Variants in NDUFS4 observed in about 807,000 individuals in gnomAD.
NDUFS4 encodes NADH dehydrogenase [ubiquinone] iron-sulfur protein 4, mitochondrial.
A neutral mutation model predicts 24.3 loss-of-function variants in NDUFS4; 28 were observed. The observed-to-expected ratio is 1.15, with a 90% CI of 0.85 to 1.58. The LOEUF (loss-of-function observed/expected upper bound fraction) is 1.58. NDUFS4 is among the 40% of genes most tolerant of loss of function. The probability of loss-of-function intolerance (pLI) is 0.00; values close to 1 mark genes in which losing one functional copy is unlikely to be tolerated. For synonymous variants in NDUFS4, 93 were observed against 69.7 expected (o/e 1.34, Z -1.67); for missense variants, 223 against 207.9 (o/e 1.07, Z -0.45).
At chr5:53,655,087 A>G (rs999420526) in intron 3 of NDUFS4, among the ~76,000 whole-genome samples, 1 of 152,218 alleles carries the variant, frequency 6.6e-6, no homozygotes, top group Admixed American at 6.5e-5. Context: ...AATATCTAAA[A>G]TCAACCTTGG....
chr5:53,632,525 A>G (rs1751438147), intron 2 of NDUFS4, among the ~76,000 whole-genome samples: 1 of 152,184 alleles, frequency 6.6e-6, no homozygotes, highest in Non-Finnish European at 1.5e-5. Context: ...ACTCCTCTTC[A>G]GAACTCTGCC....
At chr5:53,612,547 CTT>C (rs1750729914) in intron 2 of NDUFS4, among the ~76,000 whole-genome samples, 1 of 152,022 alleles carries the variant, frequency 6.6e-6, no homozygotes, top group African/African-American at 2.4e-5. Flanking sequence ...CTAATAATAT[CTT>C]TATTTAAAAA....
intron 4 of NDUFS4, among the ~76,000 whole-genome samples, chr5:53,682,668 TAC>T (rs1353388518): frequency 1.3e-5 from 2 of 152,074 alleles, no homozygotes; most frequent in Non-Finnish European, 2.9e-5. Flanking sequence ...TACATATATA[TAC>T]GTTTACATAT....
Position 53,560,779 on chromosome 5 carries a change from T to A in NDUFS4, c.98+19T>A. 1 of 1,614,086 alleles carries A rather than the reference T, an allele frequency of 6.2e-7. No individual in the cohort carries two copies. The highest frequency in any genetic ancestry group is 8.5e-7 in the Non-Finnish European group (1 of 1,180,022). On this transcript the variant is annotated intron_variant, in intron 1 of 4. Transcript: ENST00000296684. Reference sequence around the variant, plus strand: ...CGACCAGGTAATAGAATTTTCACACTTTTCTTCAAGCTTCTTGGGTCCCTC... The same window carrying A: ...CGACCAGGTAATAGAATTTTCACACATTTCTTCAAGCTTCTTGGGTCCCTC...
At chr5:53,589,092 G>GT (rs988821892) in intron 1 of NDUFS4, among the ~76,000 whole-genome samples, 2 of 152,112 alleles carry the variant, frequency 1.3e-5, no homozygotes, top group Non-Finnish European at 2.9e-5. Flanking sequence ...CTTCAAAAGC[G>GT]TAAGAAAATA....
chr5:53,566,373 C>T (rs897072460), intron 1 of NDUFS4, among the ~76,000 whole-genome samples: 1 of 152,090 alleles, frequency 6.6e-6, no homozygotes, highest in African/African-American at 2.4e-5. Context: ...ATCGTTTATT[C>T]CAAGCAAAAT....
intron 2 of NDUFS4, among the ~76,000 whole-genome samples, chr5:53,638,347 ATTTTAC>A (rs1751615168): frequency 6.6e-6 from 1 of 152,102 alleles, no homozygotes; most frequent in Non-Finnish European, 1.5e-5. Context: ...ATAATTTAGA[ATTTTAC>A]TTTAAGAAGT....
At chr5:53,584,166 C>T (rs974067081) in intron 1 of NDUFS4, among the ~76,000 whole-genome samples, 1 of 152,184 alleles carries the variant, frequency 6.6e-6, no homozygotes, top group South Asian at 2.1e-4. Context: ...AAACTATTGG[C>T]ATTGCGATTA....
intron 2 of NDUFS4, among the ~76,000 whole-genome samples, chr5:53,621,374 TTC>T (rs1312864305): frequency 6.6e-6 from 1 of 152,130 alleles, no homozygotes; most frequent in Non-Finnish European, 1.5e-5. Flanking sequence ...GTTTGACAAT[TTC>T]TGTCTTTTAA....
At chr5:53,669,733 C>T (rs1240985947) in intron 4 of NDUFS4, among the ~76,000 whole-genome samples, 1 of 152,146 alleles carries the variant, frequency 6.6e-6, no homozygotes, top group Non-Finnish European at 1.5e-5. Flanking sequence ...AATATTTTAT[C>T]CTGCCTATTG....
chr5:53,572,704 C>T (rs1392556268), intron 1 of NDUFS4, among the ~76,000 whole-genome samples: 6 of 149,884 alleles, frequency 4.0e-5, no homozygotes, highest in South Asian at 4.2e-4. Flanking sequence ...AGTGCAGTGG[C>T]GCAATCTTGG....
chr5:53,573,567 T>G, intron 1 of NDUFS4: 2 of 451,562 alleles, frequency 4.4e-6, no homozygotes, highest in Non-Finnish European at 4.4e-6. Context: ...GTAAAGAGCA[T>G]TGCTTTTAAA....
chr5:53,674,765 A>G (rs1740401575), intron 4 of NDUFS4, among the ~76,000 whole-genome samples: 1 of 152,184 alleles, frequency 6.6e-6, no homozygotes, highest in African/African-American at 2.4e-5. Context: ...GTTAATTGTA[A>G]GTTTACATTT....
chr5:53,661,695 TCTC>T (rs1469226841), intron 4 of NDUFS4, among the ~76,000 whole-genome samples: 1 of 152,152 alleles, frequency 6.6e-6, no homozygotes, highest in Non-Finnish European at 1.5e-5. Flanking sequence ...GGTTTGTAGT[TCTC>T]CTTGAAGAGG....
At chr5:53,578,306 G>GT (rs1749451471) in intron 1 of NDUFS4, among the ~76,000 whole-genome samples, 2 of 152,106 alleles carry the variant, frequency 1.3e-5, no homozygotes, top group African/African-American at 4.8e-5. Flanking sequence ...TCTAGATTTA[G>GT]TTTTTTGGCT....
At chr5:53,627,996 C>T (rs1157135909) in intron 2 of NDUFS4, among the ~76,000 whole-genome samples, 1 of 152,114 alleles carries the variant, frequency 6.6e-6, no homozygotes, top group Non-Finnish European at 1.5e-5. Flanking sequence ...TTTGCCCATT[C>T]AGTATGATAT....
At chr5:53,572,970 G>GTT (rs34978747) in intron 1 of NDUFS4, among the ~76,000 whole-genome samples, 3 of 111,204 alleles carry the variant, frequency 2.7e-5, no homozygotes, top group Admixed American at 9.5e-5. Context: ...TTTTTTTTTT[G>GTT]TTTTTTTTTT....
intron 1 of NDUFS4, among the ~76,000 whole-genome samples, chr5:53,575,041 T>C (rs907188835): frequency 2.0e-5 from 3 of 152,226 alleles, no homozygotes; most frequent in African/African-American, 7.2e-5. Flanking sequence ...TGCCACCGCA[T>C]GTGGCTATAG....
intron 4 of NDUFS4, among the ~76,000 whole-genome samples, chr5:53,679,728 G>A (rs1399889675): frequency 1.3e-5 from 2 of 152,128 alleles, no homozygotes; most frequent in African/African-American, 4.8e-5. Flanking sequence ...ATATTTGAGT[G>A]CTTTCTCATT....
Sources: allele counts gnomAD v4.1 joint callset (sites outside exome capture counted in the v4.1 genomes callset), GRCh38; gene constraint gnomAD v4.1.1; transcripts MANE v1.5; gene names NCBI Gene and HGNC (gene_info 2026-07-23, HGNC 2026-07-21).